The following NPAS3 variants were observed in gnomAD, a reference collection of about 807,000 sequenced individuals.
NPAS3 encodes neuronal PAS domain-containing protein 3.
In NPAS3, 14 loss-of-function variants were observed where a neutral mutation model predicts 73.1. The ratio of observed to expected loss-of-function variants is 0.19; its 90% confidence interval spans 0.13 to 0.30. The LOEUF is 0.30. Ranked by LOEUF, NPAS3 falls within the 10% of genes least tolerant of loss-of-function variation. The probability of loss-of-function intolerance (pLI) is 1.00; values close to 1 mark genes in which losing one functional copy is unlikely to be tolerated. For missense variants in NPAS3, 1,096 were observed against 1,250.0 expected (o/e 0.88, Z 1.86); for synonymous variants, 620 against 541.5 (o/e 1.14, Z -2.01).
chr14:33,205,698 A>G lies in NPAS3; in HGVS notation c.141-9484A>G, dbSNP rs2046796243. On this transcript the variant is annotated intron_variant, in intron 2 of 11. Transcript: ENST00000356141. Reference sequence around the variant, plus strand: ...TCACAAAGGAATGTGGATGAAGTATAATGGTGTGTTCCTTGGTGTCAAGTA... The same window carrying G: ...TCACAAAGGAATGTGGATGAAGTATGATGGTGTGTTCCTTGGTGTCAAGTA... 2.0e-5 allele frequency among the ~76,000 whole-genome samples: 3 copies of G among 152,196 alleles called. 1 individual carries two copies. The highest frequency in any genetic ancestry group is 7.2e-5 in the African/African-American group (3 of 41,464).
intron 4 of NPAS3, among the ~76,000 whole-genome samples, chr14:33,400,526 A>G (rs989939582): frequency 3.3e-5 from 5 of 152,164 alleles, no homozygotes; most frequent in Non-Finnish European, 2.9e-5. Context: ...AATTAGAGGT[A>G]TAGTCTTGCT....
chr14:33,610,625 C>A (rs1432599274), intron 5 of NPAS3, among the ~76,000 whole-genome samples: 4 of 152,088 alleles, frequency 2.6e-5, no homozygotes, highest in African/African-American at 9.7e-5. Context: ...TACATGTGAT[C>A]CATGAAATAA....
chr14:33,314,937 A>G (rs975832477), intron 3 of NPAS3, among the ~76,000 whole-genome samples: 1 of 152,142 alleles, frequency 6.6e-6, no homozygotes, highest in African/African-American at 2.4e-5. Context: ...ACCAAAGTCC[A>G]TGCTTTCATG....
rs190248300 is a variant in NPAS3, at chr14:33,777,230, T to C, written c.1047-1236T>C. 5.3e-5 allele frequency among the ~76,000 whole-genome samples: 8 copies of C among 152,268 alleles called. No homozygotes were observed. The East Asian group carries it at 1.4e-3, about 26-fold the overall frequency. Reference sequence around the variant, plus strand: ...AGGGGGTTTAACTGTGCTTGGAAGATAGCTAATGGTTTTAAGAAAACACCG... The same window carrying C: ...AGGGGGTTTAACTGTGCTTGGAAGACAGCTAATGGTTTTAAGAAAACACCG... On this transcript the variant is annotated intron_variant, in intron 8 of 11. Coordinates refer to ENST00000356141, the Ensembl canonical transcript of NPAS3.
At position 33,223,463 on chromosome 14, in the gene NPAS3, G is replaced by T. The variant is rs144322366; in HGVS notation, c.385+8037G>T. ...AGATATTTATAATTCATAGAGAAAT[G>T]AATGTGCAATACATAATGGTATGAC... is the stretch of plus-strand genomic sequence containing the variant. On this transcript the variant is annotated intron_variant, in intron 3 of 11. Coordinates refer to ENST00000356141, the Ensembl canonical transcript of NPAS3. Among the ~76,000 whole-genome samples, 3 of 152,284 alleles carry T rather than the reference G, an allele frequency of 2.0e-5. No individual in the cohort carries two copies. In the East Asian group the frequency reaches 5.8e-4, roughly 29 times the overall value.
At chr14:33,626,553 G>T (rs921461300) in intron 5 of NPAS3, among the ~76,000 whole-genome samples, 1 of 152,186 alleles carries the variant, frequency 6.6e-6, no homozygotes, top group South Asian at 2.1e-4. Flanking sequence ...TATTGGGAAA[G>T]ATAGCATCAT....
intron 3 of NPAS3, among the ~76,000 whole-genome samples, chr14:33,349,983 A>T (rs1594749478): frequency 6.6e-6 from 1 of 152,250 alleles, no homozygotes; most frequent in South Asian, 2.1e-4. Flanking sequence ...TGAGTGCTGG[A>T]GAGCACGAAG....
chr14:33,254,000 A>G (rs553586663), intron 3 of NPAS3, among the ~76,000 whole-genome samples: 131 of 151,772 alleles, frequency 8.6e-4, no homozygotes, highest in African/African-American at 2.6e-3. Context: ...TAAACTGGGA[A>G]GTTAACCTCA....
chr14:33,303,775 A>T lies in NPAS3; in HGVS notation c.386-63411A>T, dbSNP rs1173549640. On this transcript the variant is annotated intron_variant, in intron 3 of 11. Coordinates refer to ENST00000356141, the Ensembl canonical transcript of NPAS3. ...ATCATGATATTGTTTATTGGAGAAT[A>T]GCAGTTATGCTGAATAAAAAGAAAA... 2.3e-5 allele frequency among the ~76,000 whole-genome samples: 3 copies of T among 131,562 alleles called. No homozygotes were observed. The East Asian group carries it at 6.3e-4, about 27-fold the overall frequency. The allele number at this position is 131,562 out of a possible 152,430, so 86.3% of individuals were successfully genotyped here.
intron 3 of NPAS3, among the ~76,000 whole-genome samples, chr14:33,319,723 CTT>C (rs1347163043): frequency 6.6e-6 from 1 of 152,126 alleles, no homozygotes; most frequent in Non-Finnish European, 1.5e-5. Flanking sequence ...GCTGTTTCCT[CTT>C]TACCTGATGC....
chr14:33,668,221 T>C (rs8016763), intron 5 of NPAS3, among the ~76,000 whole-genome samples: 12,149 of 152,250 alleles, frequency 0.08, 1,618 homozygotes, highest in African/African-American at 0.27. Flanking sequence ...ACAGTATCAC[T>C]CTTAAACATT....
intron 3 of NPAS3, among the ~76,000 whole-genome samples, chr14:33,292,540 C>A (rs564245956): frequency 6.6e-6 from 1 of 151,936 alleles, no homozygotes; most frequent in Non-Finnish European, 1.5e-5. Flanking sequence ...TTTAAATATG[C>A]CCTAAAATAT....
At chr14:33,597,553 G>A (rs992621595) in intron 5 of NPAS3, among the ~76,000 whole-genome samples, 2 of 152,220 alleles carry the variant, frequency 1.3e-5, no homozygotes, top group African/African-American at 4.8e-5. Context: ...AACAGGTTTA[G>A]CTCCAGATTG....
chr14:33,489,476 A>C (rs2139799009), intron 4 of NPAS3, among the ~76,000 whole-genome samples: 1 of 152,334 alleles, frequency 6.6e-6, no homozygotes. Flanking sequence ...TTATGCAATA[A>C]GAACCATCCA....
intron 1 of NPAS3, among the ~76,000 whole-genome samples, chr14:33,017,385 A>G (rs1428668548): frequency 6.6e-6 from 1 of 152,186 alleles, no homozygotes; most frequent in East Asian, 1.9e-4. Flanking sequence ...ATCTCAGTTT[A>G]TGCAAGTCAC....
At chr14:33,578,193 GT>G (rs772745193) in intron 5 of NPAS3, 6 of 445,500 alleles carry the variant, frequency 1.3e-5, no homozygotes, top group East Asian at 7.3e-5. Context: ...CAACACCTTT[GT>G]TTTTTTTTCC....
chr14:33,520,397 C>T (rs2053503060), intron 4 of NPAS3, among the ~76,000 whole-genome samples: 1 of 151,878 alleles, frequency 6.6e-6, no homozygotes, highest in African/African-American at 2.4e-5. Flanking sequence ...GTTTCATCTG[C>T]TGAGGGAGGT....
chr14:33,611,648 A>T (rs1595274449), intron 5 of NPAS3, among the ~76,000 whole-genome samples: 1 of 152,206 alleles, frequency 6.6e-6, no homozygotes, highest in Non-Finnish European at 1.5e-5. Context: ...CATATTTTCC[A>T]GTTATTTGCG....
intron 5 of NPAS3, among the ~76,000 whole-genome samples, chr14:33,585,161 C>T (rs1263017410): frequency 6.6e-6 from 1 of 151,648 alleles, no homozygotes; most frequent in East Asian, 1.9e-4. Flanking sequence ...ATAGGAGAGA[C>T]CCGAATAGAG....
Sources: gnomAD v4.1 joint callset for allele counts (sites outside exome capture counted in the v4.1 genomes callset) on GRCh38, gnomAD v4.1.1 for gene constraint, MANE v1.5 for transcripts, NCBI Gene and HGNC (gene_info 2026-07-23, HGNC 2026-07-21) for gene names.